Variants in LHFPL6 observed in about 807,000 individuals in gnomAD.
LHFPL6 encodes LHFPL tetraspan subfamily member 6 protein.
In LHFPL6, 9 loss-of-function variants were observed where a neutral mutation model predicts 20.6. The ratio of observed to expected loss-of-function variants is 0.44; its 90% confidence interval spans 0.26 to 0.76. The LOEUF (loss-of-function observed/expected upper bound fraction) is 0.76. Among genes scored for constraint, LHFPL6 ranks in the 30% least tolerant of loss-of-function variants. The pLI is 0.20. For missense variants in LHFPL6, 218 were observed against 253.5 expected, an observed-to-expected ratio of 0.86 and a Z score of 0.95; for synonymous variants, 105 against 98.7, an observed-to-expected ratio of 1.06 and a Z score of -0.38.
intron 2 of LHFPL6, among the ~76,000 whole-genome samples, chr13:39,381,826 CAAAAAAAAA>C (rs10581776): frequency 5.7e-5 from 8 of 140,448 alleles, no homozygotes; most frequent in Admixed American, 2.8e-4. Context: ...AATTTATAGA[CAAAAAAAAA>C]AAAAAAAAAA....
intron 2 of LHFPL6, among the ~76,000 whole-genome samples, chr13:39,599,975 T>C (rs780590686): frequency 5.3e-5 from 8 of 152,204 alleles, no homozygotes; most frequent in Non-Finnish European, 8.8e-5. Context: ...TTGTCATATT[T>C]CACCAGGGTG....
At position 39,565,339 on chromosome 13, in the gene LHFPL6, A is replaced by T. The variant is rs76066892; in HGVS notation, c.385+35493T>A. ...TTACAGGCAAAAAGAAAGGTTTTTT[A>T]AATTTCATTTTGTGTTCAAGTTTAC... is the stretch of plus-strand genomic sequence containing the variant. On this transcript the variant is annotated intron_variant, in intron 2 of 3. Coordinates refer to ENST00000379589, the MANE Select transcript of LHFPL6 (RefSeq NM_005780.3). Among the ~76,000 whole-genome samples, 417 of 143,756 alleles carry T rather than the reference A, an allele frequency of 2.9e-3. 3 individuals carry two copies. The highest frequency in any genetic ancestry group is 9.9e-3 in the African/African-American group (377 of 38,004). 94.3% of individuals were successfully genotyped at this position (143,756 alleles called of 152,430 possible). A position where few individuals can be genotyped will look rare whatever the true frequency, so the allele number is the denominator to read the frequency against.
chr13:39,552,027 T>C (rs1050417566), intron 2 of LHFPL6, among the ~76,000 whole-genome samples: 4 of 152,228 alleles, frequency 2.6e-5, no homozygotes, highest in South Asian at 2.1e-4. Flanking sequence ...TGCTGGCCTA[T>C]TCTTTTTTAT....
chr13:39,562,465 C>CATATATACACATATAT (rs1593364420), intron 2 of LHFPL6, among the ~76,000 whole-genome samples: 1 of 101,320 alleles, frequency 9.9e-6, no homozygotes, highest in East Asian at 3.5e-4. Context: ...TACATATATA[C>CATATATACACATATAT]ACATATACAC....
chr13:39,573,045 A>T (rs940896562), intron 2 of LHFPL6, among the ~76,000 whole-genome samples: 55 of 152,224 alleles, frequency 3.6e-4, no homozygotes, highest in Non-Finnish European at 2.9e-5. Context: ...CAGGATTGAA[A>T]CTAAATGTAC....
At chr13:39,574,302 G>C (rs1299079764) in intron 2 of LHFPL6, among the ~76,000 whole-genome samples, 2 of 152,070 alleles carry the variant, frequency 1.3e-5, no homozygotes, top group Non-Finnish European at 1.5e-5. Context: ...CTAACATGGT[G>C]AAACCCCGTC....
At chr13:39,431,815 A>G (rs375805531) in intron 2 of LHFPL6, among the ~76,000 whole-genome samples, 24 of 151,294 alleles carry the variant, frequency 1.6e-4, no homozygotes, top group African/African-American at 5.8e-4. Flanking sequence ...CCACCCAGCT[A>G]TCACTCCAGC....
chr13:39,460,295 T>G (rs1418889086), intron 2 of LHFPL6, among the ~76,000 whole-genome samples: 2 of 152,184 alleles, frequency 1.3e-5, no homozygotes, highest in African/African-American at 4.8e-5. Flanking sequence ...GTAAGATAGT[T>G]AAAAGAGCTC....
chr13:39,414,174 A>C (rs185236564), intron 2 of LHFPL6, among the ~76,000 whole-genome samples: 1 of 152,312 alleles, frequency 6.6e-6, no homozygotes, highest in East Asian at 1.9e-4. Context: ...TATGGACTAT[A>C]TGGAGGGGTG....
chr13:39,534,693 T>G (rs1870564098), intron 2 of LHFPL6, among the ~76,000 whole-genome samples: 10 of 152,158 alleles, frequency 6.6e-5, no homozygotes, highest in Admixed American at 6.5e-4. Flanking sequence ...GGTGGAGACC[T>G]GGGGAGGTGG....
chr13:39,395,377 G>A (rs1213032988), intron 2 of LHFPL6, among the ~76,000 whole-genome samples: 3 of 152,170 alleles, frequency 2.0e-5, no homozygotes, highest in Non-Finnish European at 1.5e-5. Context: ...ACCATTTAAA[G>A]CCGCTTTTTA....
intron 2 of LHFPL6, among the ~76,000 whole-genome samples, chr13:39,565,437 GT>G (rs1365460080): frequency 6.6e-6 from 1 of 152,184 alleles, no homozygotes; most frequent in Admixed American, 6.5e-5. Context: ...TGGTGCTGTG[GT>G]TTTTATATTT....
At chr13:39,446,162 T>C (rs2138417563) in intron 2 of LHFPL6, among the ~76,000 whole-genome samples, 1 of 152,262 alleles carries the variant, frequency 6.6e-6, no homozygotes, top group South Asian at 2.1e-4. Flanking sequence ...TTTGGGATGA[T>C]AACTCACTGG....
intron 2 of LHFPL6, among the ~76,000 whole-genome samples, chr13:39,533,008 T>C (rs2138496512): frequency 6.6e-6 from 1 of 152,336 alleles, no homozygotes; most frequent in East Asian, 1.9e-4. Context: ...TGGAAAATAC[T>C]GCTATCACCA....
chr13:39,542,269 T>C (rs1870831628), intron 2 of LHFPL6, among the ~76,000 whole-genome samples: 1 of 152,096 alleles, frequency 6.6e-6, no homozygotes, highest in Non-Finnish European at 1.5e-5. Context: ...GTTTGCATAG[T>C]TAAAATGTAT....
At chr13:39,365,188 A>G (rs964043993) in intron 3 of LHFPL6, among the ~76,000 whole-genome samples, 42 of 152,304 alleles carry the variant, frequency 2.8e-4, no homozygotes, top group African/African-American at 9.6e-4. Context: ...GTCTGTCTCT[A>G]ATTACTGCTC....
At chr13:39,352,865 G>GTA (rs58916234) in intron 3 of LHFPL6, among the ~76,000 whole-genome samples, 12 of 36,422 alleles carry the variant, frequency 3.3e-4, no homozygotes, top group Non-Finnish European at 5.4e-4. Flanking sequence ...ATATATATGT[G>GTA]TATATATATA....
At position 39,515,228 on chromosome 13, in the gene LHFPL6, G is replaced by A. The variant is rs117067351; in HGVS notation, c.385+85604C>T. On this transcript the variant is annotated intron_variant, in intron 2 of 3. Transcript: ENST00000379589. ...CCACTCACAAAGCAATCCAAGCCAG[G>A]GATGAGCTGCGCTGCCTTCAAGAAG... Among the ~76,000 whole-genome samples, 151 of 152,290 alleles carry A rather than the reference G, an allele frequency of 9.9e-4. 1 individual carries two copies. The East Asian group carries it at 0.027, about 28-fold the overall frequency.
At chr13:39,444,685 C>T (rs1172031892) in intron 2 of LHFPL6, among the ~76,000 whole-genome samples, 1 of 152,178 alleles carries the variant, frequency 6.6e-6, no homozygotes, top group Non-Finnish European at 1.5e-5. Context: ...CCATATGGTG[C>T]TAATTCTGAA....
Sources: allele counts gnomAD v4.1 joint callset (sites outside exome capture counted in the v4.1 genomes callset), GRCh38; gene constraint gnomAD v4.1.1; transcripts MANE v1.5; gene names NCBI Gene and HGNC (gene_info 2026-07-23, HGNC 2026-07-21).